Variants in FAM204A observed in about 807,000 individuals in gnomAD.
FAM204A encodes the protein family with sequence similarity 204 member A, also known as protein FAM204A.
Under a neutral mutation model 35.4 loss-of-function variants are expected in FAM204A, and 16 were observed. That is an observed-to-expected ratio of 0.45 (90% confidence interval 0.31 to 0.69). The LOEUF (loss-of-function observed/expected upper bound fraction) is 0.69, where lower values mean the gene tolerates loss of function less well. Ranked by LOEUF, FAM204A falls within the 30% of genes least tolerant of loss-of-function variation. FAM204A has a pLI of 0.07. For missense variants in FAM204A, 240 were observed against 265.7 expected, an observed-to-expected ratio of 0.90 and a Z score of 0.67; for synonymous variants, 76 against 86.9, an observed-to-expected ratio of 0.88 and a Z score of 0.70.
chr10:118,311,126 C>A, intron 8 of FAM204A, 81 bp downstream of exon 8: 1 of 1,321,202 alleles, frequency 7.6e-7, no homozygotes, highest in Non-Finnish European at 1.1e-6. Context: ...AACAGTTATA[C>A]ACGAACTAGA....
At position 118,305,421 on chromosome 10, in the gene FAM204A, C is replaced by T. The variant is rs1286305431; in HGVS notation, c.*5436G>A. 1 of 152,222 alleles carries T rather than the reference C, an allele frequency of 6.6e-6. No homozygotes were observed. The highest frequency in any genetic ancestry group is 1.5e-5 in the Non-Finnish European group (1 of 68,074). The allele number at this position is 152,222 out of a possible 1,614,324, so 9.4% of individuals were successfully genotyped here. ...CATTTGCATTCATTCCTGAGTCAAACCCCACCAATGCTCCTCATCTCCAGG... is the reference window on the plus strand; with the variant it reads ...CATTTGCATTCATTCCTGAGTCAAATCCCACCAATGCTCCTCATCTCCAGG... On this transcript the variant is annotated 3_prime_UTR_variant, in exon 9 of 9. Coordinates refer to ENST00000369183, the MANE Select transcript of FAM204A (RefSeq NM_022063.3).
chr10:118,339,928 G>A (rs1846447805), intron 2 of FAM204A, among the ~76,000 whole-genome samples: 1 of 152,064 alleles, frequency 6.6e-6, no homozygotes, highest in African/African-American at 2.4e-5. Context: ...TTGTTTGTTT[G>A]TTTGCCCTTG....
At chr10:118,340,330 T>C (rs1362489463) in intron 2 of FAM204A, among the ~76,000 whole-genome samples, 3 of 152,160 alleles carry the variant, frequency 2.0e-5, no homozygotes, top group Non-Finnish European at 2.9e-5. Context: ...GTCTTCAAAG[T>C]TGGAAAATGG....
chr10:118,316,137 T>C (rs1373731722), intron 7 of FAM204A, among the ~76,000 whole-genome samples: 1 of 152,118 alleles, frequency 6.6e-6, no homozygotes, highest in African/African-American at 2.4e-5. Context: ...CATACAAAGT[T>C]CAAGAAGCAA....
intron 8 of FAM204A, 102 bp from the exon 9 acceptor site, chr10:118,311,010 TC>T: frequency 8.6e-7 from 1 of 1,163,858 alleles, no homozygotes; most frequent in Non-Finnish European, 1.2e-6. Context: ...CAAAAATTTT[TC>T]ACATACTCCA....
At chr10:118,328,190 A>G (rs1473003310) in intron 6 of FAM204A, among the ~76,000 whole-genome samples, 1 of 152,162 alleles carries the variant, frequency 6.6e-6, no homozygotes, top group Non-Finnish European at 1.5e-5. Flanking sequence ...ACTCCCTGAT[A>G]CAATTCTTCC....
chr10:118,306,489 G>C lies in FAM204A; in HGVS notation c.*4368C>G, dbSNP rs922622709. 1.3e-5 allele frequency: 2 copies of C among 152,298 alleles called. No individual in the cohort carries two copies. Among genetic ancestry groups the C allele is most frequent in the East Asian group, 3.9e-4 (2 of 5,184 alleles). 9.4% of individuals were successfully genotyped at this position (152,298 alleles called of 1,614,324 possible). On this transcript the variant is annotated 3_prime_UTR_variant, in exon 9 of 9. Transcript: ENST00000369183. The stretch of plus-strand genomic sequence containing the variant: ...GAGTTACTACTACTACTAATAAAAA[G>C]ATATTCCTCAGCTAATTCTTGATTT...
intron 6 of FAM204A, among the ~76,000 whole-genome samples, chr10:118,327,910 C>G (rs1019791757): frequency 6.6e-6 from 1 of 152,126 alleles, no homozygotes; most frequent in Non-Finnish European, 1.5e-5. Flanking sequence ...CTGAAGTGGG[C>G]TATAATCACA....
chr10:118,308,828 T>C lies in FAM204A; in HGVS notation c.*2029A>G, dbSNP rs947501877. 3 of 149,024 alleles carry C rather than the reference T, an allele frequency of 2.0e-5. No homozygotes were observed. The highest frequency in any genetic ancestry group is 3.9e-4 in the East Asian group (2 of 5,082). The allele number at this position is 149,024 out of a possible 1,614,324, so 9.2% of individuals were successfully genotyped here. ...AGGCCACTCTGGCAAGGCTTCAGTA[T>C]GGGAAGTGCAACATGCCTGCAGGGG... On this transcript the variant is annotated 3_prime_UTR_variant, in exon 9 of 9. Transcript: ENST00000369183.
At chr10:118,319,766 T>C (rs941278415) in intron 7 of FAM204A, among the ~76,000 whole-genome samples, 3 of 152,084 alleles carry the variant, frequency 2.0e-5, no homozygotes, top group Middle Eastern at 3.4e-3. Context: ...GTAAATATTA[T>C]ATTAAATGCC....
intron 7 of FAM204A, among the ~76,000 whole-genome samples, chr10:118,311,823 C>T (rs575278904): frequency 1.4e-4 from 21 of 152,240 alleles, no homozygotes; most frequent in African/African-American, 3.1e-4. Flanking sequence ...TCTGTATGAT[C>T]GGTAACAGCT....
chr10:118,318,824 G>C (rs1846068790), intron 7 of FAM204A, among the ~76,000 whole-genome samples: 1 of 151,636 alleles, frequency 6.6e-6, no homozygotes, highest in South Asian at 2.1e-4. Flanking sequence ...TTTAAACTTA[G>C]GTTTGAGAAC....
chr10:118,334,410 C>G (rs1846346100), intron 6 of FAM204A, among the ~76,000 whole-genome samples: 1 of 152,202 alleles, frequency 6.6e-6, no homozygotes, highest in Admixed American at 6.5e-5. Flanking sequence ...CGCCTCAAAT[C>G]CATCCACTTT....
At position 118,307,506 on chromosome 10, in the gene FAM204A, CA is replaced by C. The variant is rs1323270520; in HGVS notation, c.*3350del. 2.0e-5 allele frequency: 3 copies of C among 152,210 alleles called. No homozygotes were observed. Among genetic ancestry groups the C allele is most frequent in the African/African-American group, 7.2e-5 (3 of 41,454 alleles). 9.4% of individuals were successfully genotyped at this position (152,210 alleles called of 1,614,324 possible). On this transcript the variant is annotated 3_prime_UTR_variant, in exon 9 of 9. Coordinates refer to ENST00000369183, the MANE Select transcript of FAM204A (RefSeq NM_022063.3). ...GGATTAGACTAGGTTTCACTAACTT[CA>C]AAATGAGATCTGACATAACATCGGC...
Position 118,307,428 on chromosome 10 carries a change from T to C in FAM204A, c.*3429A>G, listed in dbSNP as rs1845880801. The C allele has an allele frequency of 6.6e-6, 1 of 152,212 alleles. No individual in the cohort carries two copies. The highest frequency in any genetic ancestry group is 2.1e-4 in the South Asian group (1 of 4,834). The allele number at this position is 152,212 out of a possible 1,614,324, so 9.4% of individuals were successfully genotyped here. A position where few individuals can be genotyped will look rare whatever the true frequency, so the allele number is the denominator to read the frequency against. On this transcript the variant is annotated 3_prime_UTR_variant, in exon 9 of 9. Transcript: ENST00000369183. ...AAGCATTTGTTGCTCTGCCAGATAC[T>C]AAAAATAAAAGCAACTTCTGCCAAA... is the stretch of plus-strand genomic sequence containing the variant.
chr10:118,325,627 C>T (rs1846186124), intron 7 of FAM204A, among the ~76,000 whole-genome samples: 1 of 152,102 alleles, frequency 6.6e-6, no homozygotes, highest in South Asian at 2.1e-4. Flanking sequence ...AATTCAGAAT[C>T]TTCTTGTGGC....
intron 7 of FAM204A, among the ~76,000 whole-genome samples, chr10:118,324,103 C>T (rs753008786): frequency 9.2e-5 from 14 of 152,014 alleles, no homozygotes; most frequent in Non-Finnish European, 2.9e-5. Context: ...GATACCTGTA[C>T]CTTTCTATTC....
chr10:118,328,470 T>A (rs1405522623), intron 6 of FAM204A, among the ~76,000 whole-genome samples: 1 of 151,084 alleles, frequency 6.6e-6, no homozygotes, highest in Admixed American at 6.6e-5. Flanking sequence ...ATGATTCTGA[T>A]GCATGCTGAA....
chr10:118,327,302 G>A (rs1846212879), intron 6 of FAM204A, among the ~76,000 whole-genome samples: 1 of 152,162 alleles, frequency 6.6e-6, no homozygotes, highest in Non-Finnish European at 1.5e-5. Context: ...GAGATGAGAT[G>A]TAAAAAATAA....
Sources: allele counts gnomAD v4.1 joint callset (sites outside exome capture counted in the v4.1 genomes callset), GRCh38; gene constraint gnomAD v4.1.1; transcripts MANE v1.5; gene names NCBI Gene and HGNC (gene_info 2026-07-23, HGNC 2026-07-21).